The following THSD4 variants were observed in gnomAD, a reference collection of about 807,000 sequenced individuals.
THSD4 encodes the protein thrombospondin type-1 domain-containing protein 4.
Under a neutral mutation model 119.0 loss-of-function variants are expected in THSD4, and 69 were observed. That is an observed-to-expected ratio of 0.58 (90% CI 0.48 to 0.71). The LOEUF (loss-of-function observed/expected upper bound fraction) is 0.71, where lower values mean the gene tolerates loss of function less well. THSD4 is among the 30% of genes least tolerant of loss of function. The pLI, the probability that THSD4 is intolerant of heterozygous loss-of-function variation, is 0.00. For missense variants in THSD4, 1,393 were observed against 1,391.1 expected (o/e 1.00, Z -0.02); for synonymous variants, 524 against 540.4 (o/e 0.97, Z 0.42).
At chr15:71,681,599 G>T in intron 8 of THSD4, among the ~76,000 whole-genome samples, 1 of 151,528 alleles carries the variant, frequency 6.6e-6, no homozygotes, top group East Asian at 1.9e-4. Context: ...CGATTGAACC[G>T]GGGGGGTGGA....
At chr15:71,324,592 G>T (rs551071454) in intron 6 of THSD4, among the ~76,000 whole-genome samples, 1 of 152,246 alleles carries the variant, frequency 6.6e-6, no homozygotes, top group East Asian at 1.9e-4. Flanking sequence ...ACTTCACTTG[G>T]AATAATGGCC....
chr15:71,377,896 A>C (rs112727508), intron 6 of THSD4, among the ~76,000 whole-genome samples: 40 of 45,946 alleles, frequency 8.7e-4, no homozygotes, highest in South Asian at 1.9e-3. Flanking sequence ...ACACACACAC[A>C]CACACACACA....
At chr15:71,605,986 G>A (rs775838571) in intron 7 of THSD4, among the ~76,000 whole-genome samples, 5 of 152,164 alleles carry the variant, frequency 3.3e-5, no homozygotes, top group Non-Finnish European at 5.9e-5. Flanking sequence ...CTTGAAGAAA[G>A]TATTTGAAGC....
chr15:71,586,087 G>C (rs1012729368), intron 7 of THSD4, among the ~76,000 whole-genome samples: 1 of 152,082 alleles, frequency 6.6e-6, no homozygotes, highest in Non-Finnish European at 1.5e-5. Flanking sequence ...CTTTAGGGTT[G>C]GTTACTGATG....
At chr15:71,127,704 G>A (rs2040467262) in intron 1 of THSD4, among the ~76,000 whole-genome samples, 1 of 152,064 alleles carries the variant, frequency 6.6e-6, no homozygotes, top group Non-Finnish European at 1.5e-5. Context: ...TGGGCTGTTT[G>A]TGTATCTTTG....
chr15:71,688,292 C>CTTTTTTTTTTTTTTTTTTTTTTTTT (rs1567101664), intron 8 of THSD4, among the ~76,000 whole-genome samples: 2 of 152,188 alleles, frequency 1.3e-5, no homozygotes, highest in East Asian at 3.8e-4. Flanking sequence ...AGAACATTTT[C>CTTTTTTTTTTTTTTTTTTTTTTTTT]CTTTCAGCCT....
At chr15:71,459,650 A>C (rs2047400011) in intron 7 of THSD4, among the ~76,000 whole-genome samples, 1 of 152,208 alleles carries the variant, frequency 6.6e-6, no homozygotes, top group South Asian at 2.1e-4. Context: ...TACATTCCCA[A>C]AGTAAAAATG....
intron 2 of THSD4, 31 bp from the exon 3 acceptor site, chr15:71,154,832 C>T (rs1389597009): frequency 6.2e-7 from 1 of 1,610,590 alleles, no homozygotes; most frequent in Non-Finnish European, 8.5e-7. Context: ...ACATACTCAC[C>T]ATCCTGCCTG....
intron 7 of THSD4, among the ~76,000 whole-genome samples, chr15:71,420,710 A>C (rs77429859): frequency 0.11 from 11,592 of 107,206 alleles, 3,811 homozygotes; most frequent in African/African-American, 0.16. Flanking sequence ...ATTATCACTT[A>C]ACATTTATTG....
intron 6 of THSD4, among the ~76,000 whole-genome samples, chr15:71,360,397 G>A (rs148887045): frequency 6.6e-6 from 1 of 152,252 alleles, no homozygotes; most frequent in African/African-American, 2.4e-5. Context: ...GATTCAACAC[G>A]ATGGGTTACT....
chr15:71,381,065 G>T (rs1199478953), intron 6 of THSD4, among the ~76,000 whole-genome samples: 1 of 152,052 alleles, frequency 6.6e-6, no homozygotes, highest in African/African-American at 2.4e-5. Context: ...AACATTGGTT[G>T]TAGACCATTT....
At chr15:71,526,952 C>T (rs1373560357) in intron 7 of THSD4, among the ~76,000 whole-genome samples, 1 of 152,088 alleles carries the variant, frequency 6.6e-6, no homozygotes, top group Admixed American at 6.6e-5. Flanking sequence ...GAAAAATGAC[C>T]ATTGCCTTGG....
intron 7 of THSD4, among the ~76,000 whole-genome samples, chr15:71,636,203 C>T (rs774368323): frequency 6.6e-6 from 1 of 152,190 alleles, no homozygotes; most frequent in Non-Finnish European, 1.5e-5. Context: ...GGGTGGATCA[C>T]TTGGGGTCAG....
intron 7 of THSD4, among the ~76,000 whole-genome samples, chr15:71,567,776 AGTGT>A (rs35003821): frequency 2.0e-5 from 3 of 150,416 alleles, no homozygotes; most frequent in African/African-American, 2.5e-5. Context: ...AGAGAGAGAG[AGTGT>A]GTGTGTGTGT....
In THSD4 at chr15:71,590,157, G is replaced by A. The variant is rs1397542380; in HGVS notation, c.1153-70373G>A. The stretch of plus-strand genomic sequence containing the variant: ...CGTTCAGTCATATCTGTTGGGTTAA[G>A]ACAAATCTGGGTGATGGAAACCCAA... On this transcript the variant is annotated intron_variant, in intron 7 of 17. Coordinates refer to ENST00000261862, the MANE Select transcript of THSD4 (RefSeq NM_024817.3). Among the ~76,000 whole-genome samples, 2 of 138,924 alleles carry A rather than the reference G, an allele frequency of 1.4e-5. 1 individual carries two copies. The highest frequency in any genetic ancestry group is 3.3e-5 in the Non-Finnish European group (2 of 61,088). 91.1% of individuals were successfully genotyped at this position (138,924 alleles called of 152,430 possible).
At chr15:71,665,537 A>G (rs1200182832) in intron 8 of THSD4, among the ~76,000 whole-genome samples, 1 of 152,124 alleles carries the variant, frequency 6.6e-6, no homozygotes. Context: ...TTTTGTTTCA[A>G]TTGCTTTTAG....
chr15:71,304,890 A>T (rs1163606797), intron 6 of THSD4, among the ~76,000 whole-genome samples: 1 of 152,250 alleles, frequency 6.6e-6, no homozygotes, highest in East Asian at 1.9e-4. Context: ...TTATGAAATA[A>T]ATATGCTTAC....
At chr15:71,751,712 G>A (rs916236412) in intron 14 of THSD4, among the ~76,000 whole-genome samples, 4 of 151,574 alleles carry the variant, frequency 2.6e-5, no homozygotes, top group African/African-American at 9.7e-5. Context: ...CTGTTGCCCA[G>A]GCTGGACTGC....
At chr15:71,602,774 G>C (rs1044783660) in intron 7 of THSD4, among the ~76,000 whole-genome samples, 4 of 152,158 alleles carry the variant, frequency 2.6e-5, no homozygotes, top group African/African-American at 7.2e-5. Context: ...TTCTTTTTTG[G>C]GGTGATGAGG....
Sources: allele counts gnomAD v4.1 joint callset (sites outside exome capture counted in the v4.1 genomes callset), GRCh38; gene constraint gnomAD v4.1.1; transcripts MANE v1.5; gene names NCBI Gene and HGNC (gene_info 2026-07-23, HGNC 2026-07-21).